The following DCDC2 variants were observed in gnomAD, a reference collection of about 807,000 sequenced individuals.
The protein encoded by DCDC2 is doublecortin domain containing 2, also known as doublecortin domain-containing protein 2.
DCDC2 carries 40 observed loss-of-function variants against 50.2 expected under a neutral mutation model. That is an observed-to-expected ratio of 0.80 (90% CI 0.62 to 1.04). The LOEUF is 1.04. Ranked by LOEUF, DCDC2 falls within the 50% of genes least tolerant of loss-of-function variation. The pLI, the probability that DCDC2 is intolerant of heterozygous loss-of-function variation, is 0.00. For synonymous variants in DCDC2, 234 were observed against 210.6 expected (o/e 1.11, Z -0.96); for missense variants, 570 against 581.9 (o/e 0.98, Z 0.21).
At chr6:24,271,779 C>A (rs1338972595) in intron 7 of DCDC2, among the ~76,000 whole-genome samples, 1 of 152,150 alleles carries the variant, frequency 6.6e-6, no homozygotes, top group African/African-American at 2.4e-5. Context: ...TTATGGCTTA[C>A]ATAGAATTTT....
intron 7 of DCDC2, among the ~76,000 whole-genome samples, chr6:24,232,227 AT>A (rs1420155987): frequency 1.3e-5 from 2 of 152,234 alleles, no homozygotes; most frequent in African/African-American, 4.8e-5. Flanking sequence ...ATTGACGTAC[AT>A]CTCAATTAAC....
chr6:24,295,582 C>A (rs1471421419), intron 4 of DCDC2, among the ~76,000 whole-genome samples: 2 of 152,122 alleles, frequency 1.3e-5, no homozygotes, highest in South Asian at 2.1e-4. Flanking sequence ...CTCACAGTCT[C>A]GGCCCAAAAG....
chr6:24,278,341 T>C, intron 6 of DCDC2, 130 bp from the exon 7 acceptor site: 2 of 727,292 alleles, frequency 2.7e-6, no homozygotes, highest in South Asian at 5.7e-5. Flanking sequence ...GTTCTGCAAC[T>C]GTCTATCTTT....
chr6:24,213,542 G>A (rs1011244268), intron 7 of DCDC2, among the ~76,000 whole-genome samples: 3 of 151,928 alleles, frequency 2.0e-5, no homozygotes, highest in Non-Finnish European at 2.9e-5. Context: ...AATTAAAATT[G>A]GTAAGAAGGT....
chr6:24,266,971 C>T (rs1189381771), intron 7 of DCDC2, among the ~76,000 whole-genome samples: 2 of 151,914 alleles, frequency 1.3e-5, no homozygotes, highest in Non-Finnish European at 2.9e-5. Flanking sequence ...TATTATCAAC[C>T]CATAAAAAAA....
intron 4 of DCDC2, among the ~76,000 whole-genome samples, chr6:24,298,051 T>C (rs1193558208): frequency 1.3e-5 from 2 of 152,242 alleles, no homozygotes; most frequent in African/African-American, 4.8e-5. Context: ...TTGCGGAAGA[T>C]AATTTCTCCA....
intron 2 of DCDC2, among the ~76,000 whole-genome samples, chr6:24,333,064 C>T (rs1759993563): frequency 6.6e-6 from 1 of 152,056 alleles, no homozygotes. Flanking sequence ...GACACTGGTG[C>T]TAGGGTAAAT....
intron 9 of DCDC2, among the ~76,000 whole-genome samples, chr6:24,177,620 C>A (rs1359184939): frequency 6.6e-6 from 1 of 152,158 alleles, no homozygotes; most frequent in Non-Finnish European, 1.5e-5. Flanking sequence ...TTGAGCCTGG[C>A]AGCAACAGGA....
intron 2 of DCDC2, among the ~76,000 whole-genome samples, chr6:24,331,638 G>A (rs1275290939): frequency 6.6e-6 from 1 of 152,020 alleles, no homozygotes; most frequent in African/African-American, 2.4e-5. Flanking sequence ...ATATCTAAAT[G>A]CTTTTAAGTA....
intron 7 of DCDC2, among the ~76,000 whole-genome samples, chr6:24,206,257 C>T: frequency 6.6e-6 from 1 of 152,016 alleles, no homozygotes; most frequent in East Asian, 1.9e-4. Context: ...CAAGTTGCTT[C>T]CAGTCCAATG....
chr6:24,359,937 G>C (rs551731721), upstream of DCDC2, among the ~76,000 whole-genome samples: 71 of 152,324 alleles, frequency 4.7e-4, 2 homozygotes, highest in South Asian at 0.013. Context: ...GCGGGCCCAG[G>C]AGGTGCCCTC....
intron 7 of DCDC2, among the ~76,000 whole-genome samples, chr6:24,238,540 C>A (rs1316462324): frequency 1.3e-5 from 2 of 151,960 alleles, no homozygotes; most frequent in African/African-American, 2.4e-5. Flanking sequence ...CTCAGGTGAT[C>A]CGCCCACCTC....
chr6:24,222,341 C>A (rs1333213419), intron 7 of DCDC2, among the ~76,000 whole-genome samples: 1 of 152,164 alleles, frequency 6.6e-6, no homozygotes, highest in Non-Finnish European at 1.5e-5. Flanking sequence ...TACCTGTGAG[C>A]TTTTCTTTAA....
intron 7 of DCDC2, among the ~76,000 whole-genome samples, chr6:24,233,066 A>T (rs745867645): frequency 6.6e-6 from 1 of 152,216 alleles, no homozygotes; most frequent in Admixed American, 6.5e-5. Context: ...AAGGGGACAC[A>T]AACTCTGTGA....
chr6:24,285,270 G>A (rs1763575416), intron 6 of DCDC2, among the ~76,000 whole-genome samples: 1 of 152,150 alleles, frequency 6.6e-6, no homozygotes, highest in Non-Finnish European at 1.5e-5. Context: ...GTCATAGCAT[G>A]GAACTACGTT....
the DCDC2 span, among the ~76,000 whole-genome samples, chr6:24,375,278 G>A: frequency 6.6e-6 from 1 of 152,092 alleles, no homozygotes; most frequent in Non-Finnish European, 1.5e-5. Flanking sequence ...AGTGGCTTCG[G>A]GATGCGGCTG....
rs560519991 is a variant in DCDC2, at chr6:24,240,577, A to G, written c.923-35475T>C. 2.1e-4 allele frequency among the ~76,000 whole-genome samples: 32 copies of G among 152,320 alleles called. No individual in the cohort carries two copies. The South Asian group carries it at 6.4e-3, about 31-fold the overall frequency. On this transcript the variant is annotated intron_variant, in intron 7 of 9. Transcript: ENST00000378454. The stretch of plus-strand genomic sequence containing the variant: ...AATCATTAATGTTATTATTTTGATT[A>G]CTAGGCATTTTAGAATACATGATTT...
In DCDC2 at chr6:24,215,868, A is replaced by G. The variant is rs757707244; in HGVS notation, c.923-10766T>C. ...GGATTAACAGAATGCAACAAGAGAC[A>G]TTGAATACTTGTATTGGCAGGACTC... On this transcript the variant is annotated intron_variant, in intron 7 of 9. Coordinates refer to ENST00000378454, the MANE Select transcript of DCDC2 (RefSeq NM_016356.5). Among the ~76,000 whole-genome samples, 5 of 152,220 alleles carry G rather than the reference A, an allele frequency of 3.3e-5. 1 individual carries two copies. The highest frequency in any genetic ancestry group is 6.3e-3 in the Middle Eastern group (2 of 316).
intron 7 of DCDC2, among the ~76,000 whole-genome samples, chr6:24,258,399 G>A (rs116265886): frequency 0.012 from 1,863 of 152,200 alleles, 36 homozygotes; most frequent in African/African-American, 0.042. Flanking sequence ...GCTGATTGGT[G>A]CACTTTTACA....
Sources: gnomAD v4.1 joint callset for allele counts (sites outside exome capture counted in the v4.1 genomes callset) on GRCh38, gnomAD v4.1.1 for gene constraint, MANE v1.5 for transcripts, NCBI Gene and HGNC (gene_info 2026-07-23, HGNC 2026-07-21) for gene names.